MKLN1: variants seen among roughly 807,000 people sequenced by gnomAD.
The protein encoded by MKLN1 is muskelin.
Under a neutral mutation model 99.0 loss-of-function variants are expected in MKLN1, and 18 were observed. The observed-to-expected ratio is 0.18, with a 90% CI of 0.13 to 0.27. The LOEUF (loss-of-function observed/expected upper bound fraction) is 0.27. Among genes scored for constraint, MKLN1 ranks in the 10% least tolerant of loss-of-function variants. MKLN1 has a pLI of 1.00. For synonymous variants in MKLN1, 288 were observed against 293.2 expected (o/e 0.98, Z 0.18); for missense variants, 621 against 875.9 (o/e 0.71, Z 3.67).
chr7:131,192,475 TACA>T (rs1259027300), intron 2 of MKLN1, among the ~76,000 whole-genome samples: 5 of 135,404 alleles, frequency 3.7e-5, no homozygotes, highest in African/African-American at 1.1e-4. Flanking sequence ...TATATAAATA[TACA>T]ATATATAAAT....
At chr7:131,163,533 A>G (rs1796084080) in intron 2 of MKLN1, among the ~76,000 whole-genome samples, 5 of 152,142 alleles carry the variant, frequency 3.3e-5, no homozygotes, top group Admixed American at 3.3e-4. Context: ...TGTAAAGTGG[A>G]GGGTTTTAAT....
At chr7:131,150,446 C>A (rs935318211) in intron 2 of MKLN1, among the ~76,000 whole-genome samples, 2 of 152,078 alleles carry the variant, frequency 1.3e-5, no homozygotes, top group African/African-American at 4.8e-5. Context: ...ATGATGGCAC[C>A]ACTGCACTCC....
rs559475728 is a variant in MKLN1 at position 131,264,618 on chromosome 7, C to T, written c.-179+61644C>T. Among the ~76,000 whole-genome samples, 17 of 152,096 alleles carry T rather than the reference C, an allele frequency of 1.1e-4. No individual in the cohort carries two copies. In the South Asian group the frequency reaches 3.5e-3, roughly 32 times the overall value. ...ATCAGGTAAACTCTGCCCAAGGTTG[C>T]CCTATATTTTTGGGTCCCCGGAGGG... On this transcript the variant is annotated intron_variant, in intron 3 of 7. Transcript: ENST00000416992.
chr7:131,276,251 C>T (rs1346027815), intron 3 of MKLN1, among the ~76,000 whole-genome samples: 1 of 152,078 alleles, frequency 6.6e-6, no homozygotes, highest in Non-Finnish European at 1.5e-5. Context: ...CTTCCGAGCA[C>T]AAAAGGTTGG....
At chr7:131,459,860 A>G (rs1205783474) in intron 12 of MKLN1, among the ~76,000 whole-genome samples, 3 of 151,846 alleles carry the variant, frequency 2.0e-5, no homozygotes, top group Non-Finnish European at 1.5e-5. Flanking sequence ...TTTCTTCTAC[A>G]TTATTTCTTC....
intron 3 of MKLN1, among the ~76,000 whole-genome samples, chr7:131,224,883 C>A (rs1057441717): frequency 2.6e-5 from 4 of 151,102 alleles, no homozygotes; most frequent in African/African-American, 9.7e-5. Flanking sequence ...ACCATCCTGG[C>A]TAACATGGTG....
chr7:131,155,308 C>T (rs771815241), intron 2 of MKLN1, among the ~76,000 whole-genome samples: 3 of 152,136 alleles, frequency 2.0e-5, no homozygotes, highest in Non-Finnish European at 4.4e-5. Context: ...TAGTTTATCC[C>T]TCCATGAAGT....
rs192105738 is a variant in MKLN1 at position 131,270,790 on chromosome 7, G to A, written c.-179+67816G>A. On this transcript the variant is annotated intron_variant, in intron 3 of 7. Transcript: ENST00000416992. ...AGAAAGGTTCTAAATAAATGTTAATGCAAAATGTTAATTATAATAGTAATA... is the reference window on the plus strand; with the variant it reads ...AGAAAGGTTCTAAATAAATGTTAATACAAAATGTTAATTATAATAGTAATA... Among the ~76,000 whole-genome samples the A allele has an allele frequency of 2.8e-4, 43 of 151,954 alleles. No homozygotes were observed. In the East Asian group the frequency reaches 7.7e-3, roughly 27 times the overall value.
chr7:131,382,031 G>A (rs571675298), intron 2 of MKLN1, among the ~76,000 whole-genome samples: 3 of 152,188 alleles, frequency 2.0e-5, no homozygotes, highest in Non-Finnish European at 2.9e-5. Context: ...ACATTGAATC[G>A]TTTTCCAATT....
intron 8 of MKLN1, 152 bp downstream of exon 8, chr7:131,414,862 ATG>A (rs1288922890): frequency 2.1e-6 from 1 of 475,430 alleles, no homozygotes; most frequent in Non-Finnish European, 3.9e-6. Context: ...GCGGCCTTTT[ATG>A]TGTGTCTGTA....
intron 1 of MKLN1, among the ~76,000 whole-genome samples, chr7:131,342,839 T>A (rs999373888): frequency 6.6e-6 from 1 of 152,226 alleles, no homozygotes; most frequent in African/African-American, 2.4e-5. Flanking sequence ...CAAACCTTTT[T>A]AAAAAATGTA....
At chr7:131,349,199 A>G (rs1584633860) in intron 1 of MKLN1, among the ~76,000 whole-genome samples, 3 of 62,784 alleles carry the variant, frequency 4.8e-5, no homozygotes, top group East Asian at 1.8e-3. Flanking sequence ...TCTTAAATCT[A>G]TCTTTTTTTT....
rs574336994 is a variant in MKLN1, at chr7:131,126,405, C to A, written c.-419+16198C>A. 1.2e-4 allele frequency among the ~76,000 whole-genome samples: 19 copies of A among 152,306 alleles called. 1 individual carries two copies. Among genetic ancestry groups the A allele is most frequent in the African/African-American group, 4.1e-4 (17 of 41,556 alleles). The stretch of plus-strand genomic sequence containing the variant: ...TGAGTAGTTAAGTGAAAAATAGAGT[C>A]ATTTAACTATAGCATGTCCTAGATT... On this transcript the variant is annotated intron_variant, in intron 1 of 7. Coordinates refer to the MKLN1 transcript ENST00000416992.
intron 1 of MKLN1, among the ~76,000 whole-genome samples, chr7:131,137,585 T>G (rs2116247651): frequency 6.6e-6 from 1 of 152,298 alleles, no homozygotes; most frequent in South Asian, 2.1e-4. Context: ...GTTTTGTTTT[T>G]GTTTTTTGAG....
intron 1 of MKLN1, among the ~76,000 whole-genome samples, chr7:131,115,625 G>GC (rs1335284919): frequency 2.0e-5 from 3 of 152,076 alleles, no homozygotes; most frequent in African/African-American, 7.2e-5. Context: ...TCCATGCAGG[G>GC]CCCGTGGAGC....
At chr7:131,164,296 G>A (rs115959255) in intron 2 of MKLN1, among the ~76,000 whole-genome samples, 17 of 152,030 alleles carry the variant, frequency 1.1e-4, no homozygotes, top group Admixed American at 6.6e-5. Context: ...ATCTTTTTTG[G>A]TAGAGATGTG....
intron 7 of MKLN1, among the ~76,000 whole-genome samples, chr7:131,413,921 A>G (rs539489888): frequency 1.0e-3 from 155 of 152,338 alleles, no homozygotes; most frequent in African/African-American, 3.6e-3. Flanking sequence ...AAGTTTAAAT[A>G]AAGTTTTACT....
At chr7:131,333,075 CA>C in intron 1 of MKLN1, among the ~76,000 whole-genome samples, 1 of 152,114 alleles carries the variant, frequency 6.6e-6, no homozygotes, top group East Asian at 1.9e-4. Flanking sequence ...AGGCGTGCAC[CA>C]CCACGTCTGG....
chr7:131,422,684 A>G (rs973217029), intron 8 of MKLN1, among the ~76,000 whole-genome samples: 2 of 151,970 alleles, frequency 1.3e-5, no homozygotes, highest in African/African-American at 4.8e-5. Context: ...TTGTTTTCTT[A>G]GATATTAGAA....
Sources: allele counts gnomAD v4.1 joint callset (sites outside exome capture counted in the v4.1 genomes callset), GRCh38; gene constraint gnomAD v4.1.1; transcripts MANE v1.5; gene names NCBI Gene and HGNC (gene_info 2026-07-23, HGNC 2026-07-21).